The following MGAT5 variants were observed in gnomAD, a reference collection of about 807,000 sequenced individuals.
MGAT5 encodes alpha-1,6-mannosylglycoprotein 6-beta-N-acetylglucosaminyltransferase.
Under a neutral mutation model 94.3 loss-of-function variants are expected in MGAT5, and 30 were observed. The ratio of observed to expected loss-of-function variants is 0.32; its 90% CI spans 0.24 to 0.43. MGAT5 has a LOEUF of 0.43. Among genes scored for constraint, MGAT5 ranks in the 20% least tolerant of loss-of-function variants. MGAT5 has a pLI of 1.00. For missense variants in MGAT5, 691 were observed against 905.5 expected, an observed-to-expected ratio of 0.76 and a Z score of 3.04; for synonymous variants, 310 against 322.9, an observed-to-expected ratio of 0.96 and a Z score of 0.43.
At chr2:134,427,749 T>G (rs1444523298) in intron 13 of MGAT5, among the ~76,000 whole-genome samples, 1 of 152,178 alleles carries the variant, frequency 6.6e-6, no homozygotes, top group Non-Finnish European at 1.5e-5. Flanking sequence ...CCCTCTAGCC[T>G]CCCAGGACCC....
chr2:134,410,522 T>G (rs1357925002), intron 11 of MGAT5, among the ~76,000 whole-genome samples: 1 of 152,180 alleles, frequency 6.6e-6, no homozygotes, highest in East Asian at 1.9e-4. Flanking sequence ...GTTAATAAAG[T>G]TTTTATTTTA....
chr2:134,423,358 G>C (rs1051563888), intron 13 of MGAT5, among the ~76,000 whole-genome samples: 1 of 152,194 alleles, frequency 6.6e-6, no homozygotes, highest in South Asian at 2.1e-4. Flanking sequence ...TTTTGTAAAA[G>C]TAACTACATT....
In MGAT5 at chr2:134,209,189, AATT is replaced by A. The variant is rs1173570617; in HGVS notation, c.-142-45058_-142-45056del. 3.7e-4 allele frequency among the ~76,000 whole-genome samples: 4 copies of A among 10,784 alleles called. 1 individual carries two copies. The highest frequency in any genetic ancestry group is 1.4e-3 in the Admixed American group (1 of 730). 7.1% of individuals were successfully genotyped at this position (10,784 alleles called of 152,430 possible). ...TTTTTTATTTTTTTTTTTATTTTTT[AATT>A]ATTATTATTATTATACTCTAAGTTT... On this transcript the variant is annotated intron_variant, in intron 1 of 16. Transcript: ENST00000409645.
At chr2:134,143,300 G>T (rs771131795) in intron 1 of MGAT5, among the ~76,000 whole-genome samples, 21 of 152,150 alleles carry the variant, frequency 1.4e-4, no homozygotes, top group Non-Finnish European at 2.6e-4. Context: ...ACTCAATGCC[G>T]CTAAGTTTGT....
chr2:134,137,173 C>T (rs867244032), intron 1 of MGAT5, among the ~76,000 whole-genome samples: 1 of 152,182 alleles, frequency 6.6e-6, no homozygotes, highest in African/African-American at 2.4e-5. Context: ...GTTATATCAT[C>T]GACAACAGCA....
intron 13 of MGAT5, among the ~76,000 whole-genome samples, chr2:134,427,485 GT>G (rs1684655318): frequency 1.3e-5 from 2 of 152,138 alleles, no homozygotes; most frequent in African/African-American, 4.8e-5. Flanking sequence ...ATCCTGTAGA[GT>G]TTCCTACTCC....
intron 1 of MGAT5, among the ~76,000 whole-genome samples, chr2:134,213,193 A>G (rs1680290383): frequency 6.6e-6 from 1 of 152,180 alleles, no homozygotes; most frequent in Admixed American, 6.5e-5. Flanking sequence ...AAATTGGACT[A>G]TTGGGCTGAA....
At chr2:134,221,085 A>G (rs1405597228) in intron 1 of MGAT5, among the ~76,000 whole-genome samples, 1 of 152,178 alleles carries the variant, frequency 6.6e-6, no homozygotes, top group Admixed American at 6.5e-5. Flanking sequence ...TGTTGACAAA[A>G]AGAGTCAAAC....
At chr2:134,344,017 G>A (rs1688780302) in intron 7 of MGAT5, among the ~76,000 whole-genome samples, 1 of 152,194 alleles carries the variant, frequency 6.6e-6, no homozygotes, top group African/African-American at 2.4e-5. Flanking sequence ...CTGATGTGGT[G>A]GTAGTACAGA....
Position 134,254,286 on chromosome 2 carries a change from C to A in MGAT5, c.-118C>A. The A allele has an allele frequency of 1.5e-6, 2 of 1,330,328 alleles. No individual in the cohort carries two copies. Among genetic ancestry groups the A allele is most frequent in the Non-Finnish European group, 2.1e-6 (2 of 973,910 alleles). The allele number at this position is 1,330,328 out of a possible 1,614,324, so 82.4% of individuals were successfully genotyped here. A position where few individuals can be genotyped will look rare whatever the true frequency, so the allele number is the denominator to read the frequency against. On this transcript the variant is annotated 5_prime_UTR_variant, in exon 1 of 16. Coordinates refer to ENST00000281923, the MANE Select transcript of MGAT5 (RefSeq NM_002410.5). The stretch of plus-strand genomic sequence containing the variant: ...GCAGAATGGAAGTGAGGAAAGGCAA[C>A]CAGCTGACACAGGAGCCAGAGTGAG...
intron 7 of MGAT5, among the ~76,000 whole-genome samples, chr2:134,342,719 T>TAAAAAA (rs3838499): frequency 2.9e-5 from 4 of 138,780 alleles, no homozygotes; most frequent in African/African-American, 1.1e-4. Context: ...GTCTCTGTCT[T>TAAAAAA]AAAAAAAAAA....
At chr2:134,225,224 T>C (rs1033397457) in intron 1 of MGAT5, among the ~76,000 whole-genome samples, 3 of 152,090 alleles carry the variant, frequency 2.0e-5, no homozygotes, top group African/African-American at 7.2e-5. Context: ...AAGGTGGTTA[T>C]GGGTTCCCAC....
At chr2:134,130,246 C>T (rs1233481896) in intron 1 of MGAT5, among the ~76,000 whole-genome samples, 3 of 149,914 alleles carry the variant, frequency 2.0e-5, no homozygotes, top group South Asian at 4.3e-4. Flanking sequence ...CGCCCCACAC[C>T]GCCCCACACC....
chr2:134,152,094 T>A (rs1380552100), intron 1 of MGAT5, among the ~76,000 whole-genome samples: 1 of 137,102 alleles, frequency 7.3e-6, no homozygotes, highest in Non-Finnish European at 1.6e-5. Flanking sequence ...ACTCATCCCC[T>A]CTGGGACCCG....
chr2:134,390,044 G>T, intron 10 of MGAT5, among the ~76,000 whole-genome samples: 1 of 152,060 alleles, frequency 6.6e-6, no homozygotes. Context: ...ACTGCCACTG[G>T]GTCTTCAGTT....
chr2:134,403,863 G>A (rs1683195235), intron 11 of MGAT5, among the ~76,000 whole-genome samples: 1 of 152,220 alleles, frequency 6.6e-6, no homozygotes, highest in Non-Finnish European at 1.5e-5. Flanking sequence ...CCATGTGGTG[G>A]AGGTAGCCGG....
At chr2:134,353,175 T>C (rs1452051286) in intron 9 of MGAT5, among the ~76,000 whole-genome samples, 1 of 152,172 alleles carries the variant, frequency 6.6e-6, no homozygotes, top group Non-Finnish European at 1.5e-5. Context: ...AGATGGTAAC[T>C]TTAGTGTTAT....
At chr2:134,203,169 A>C (rs978343519) in intron 1 of MGAT5, among the ~76,000 whole-genome samples, 1 of 152,188 alleles carries the variant, frequency 6.6e-6, no homozygotes, top group Non-Finnish European at 1.5e-5. Context: ...GACAATTTTA[A>C]ATGTGTTAAA....
chr2:134,330,457 A>G (rs2105950035), intron 4 of MGAT5, among the ~76,000 whole-genome samples: 1 of 152,204 alleles, frequency 6.6e-6, no homozygotes, highest in East Asian at 1.9e-4. Context: ...TCACTAGAGA[A>G]GTTATAGTGG....
Sources: allele counts gnomAD v4.1 joint callset (sites outside exome capture counted in the v4.1 genomes callset), GRCh38; gene constraint gnomAD v4.1.1; transcripts MANE v1.5; gene names NCBI Gene and HGNC (gene_info 2026-07-23, HGNC 2026-07-21).